The following IMMP2L variants were observed in gnomAD, a reference collection of about 807,000 sequenced individuals.
IMMP2L encodes the protein inner mitochondrial membrane peptidase subunit 2.
A neutral mutation model predicts 19.3 loss-of-function variants in IMMP2L; 18 were observed. The ratio of observed to expected loss-of-function variants is 0.93; its 90% CI spans 0.64 to 1.38. The LOEUF is 1.38. IMMP2L is among the 40% of genes most tolerant of loss of function. The pLI is 0.00. For synonymous variants in IMMP2L, 76 were observed against 73.0 expected (o/e 1.04, Z -0.21); for missense variants, 233 against 218.2 (o/e 1.07, Z -0.43).
At chr7:111,377,853 C>T (rs1404685045) in intron 3 of IMMP2L, among the ~76,000 whole-genome samples, 1 of 151,968 alleles carries the variant, frequency 6.6e-6, no homozygotes. Context: ...TATACAACTA[C>T]ACATCCACAT....
In IMMP2L at chr7:110,780,410, A is replaced by G. The variant is rs187822778; in HGVS notation, c.408+106183T>C. ...GGCAAGCATATTACTTGAAAATAAG[A>G]TTTTCTCAAAGTCTCTATATTTCTG... On this transcript the variant is annotated intron_variant, in intron 5 of 5. Transcript: ENST00000405709. Among the ~76,000 whole-genome samples the G allele has an allele frequency of 1.3e-4, 20 of 151,768 alleles. No homozygotes were observed. In the South Asian group the frequency reaches 1.5e-3, roughly 11 times the overall value.
At chr7:110,676,938 A>T (rs1792339975) in intron 5 of IMMP2L, among the ~76,000 whole-genome samples, 1 of 152,164 alleles carries the variant, frequency 6.6e-6, no homozygotes, top group Non-Finnish European at 1.5e-5. Flanking sequence ...CACTAACAAG[A>T]AGCACAGGAC....
intron 3 of IMMP2L, among the ~76,000 whole-genome samples, chr7:111,015,572 A>G (rs927079301): frequency 2.6e-5 from 4 of 152,150 alleles, no homozygotes; most frequent in Non-Finnish European, 4.4e-5. Flanking sequence ...ACCACAATAG[A>G]AAAAAGGGCC....
intron 3 of IMMP2L, among the ~76,000 whole-genome samples, chr7:111,471,031 T>C (rs1260520111): frequency 6.6e-6 from 1 of 152,074 alleles, no homozygotes. Context: ...TGTCCATTTC[T>C]GCTAAGAGAT....
chr7:110,993,305 A>G (rs1183612133), intron 3 of IMMP2L, among the ~76,000 whole-genome samples: 1 of 152,142 alleles, frequency 6.6e-6, no homozygotes, highest in Non-Finnish European at 1.5e-5. Flanking sequence ...AGTTAACTGT[A>G]CAATCATGGT....
At chr7:111,357,516 T>A (rs866346290) in intron 3 of IMMP2L, among the ~76,000 whole-genome samples, 1 of 152,138 alleles carries the variant, frequency 6.6e-6, no homozygotes, top group Admixed American at 6.6e-5. Flanking sequence ...CATGTTTAAT[T>A]GCCACATTAA....
At chr7:111,351,305 C>G (rs936428230) in intron 3 of IMMP2L, among the ~76,000 whole-genome samples, 18 of 152,180 alleles carry the variant, frequency 1.2e-4, no homozygotes, top group Non-Finnish European at 1.9e-4. Context: ...ATTCTCCTGC[C>G]TCAGCCTCTC....
At chr7:110,804,496 G>GGTTTC (rs1801484106) in intron 5 of IMMP2L, among the ~76,000 whole-genome samples, 1 of 151,892 alleles carries the variant, frequency 6.6e-6, no homozygotes, top group South Asian at 2.1e-4. Flanking sequence ...CTGGAACTCT[G>GGTTTC]GTTTCTAATG....
chr7:111,272,569 A>G (rs1393133018), intron 3 of IMMP2L, among the ~76,000 whole-genome samples: 5 of 152,200 alleles, frequency 3.3e-5, no homozygotes, highest in Non-Finnish European at 7.3e-5. Context: ...TGCTTCACAC[A>G]TAGTAAGTGT....
At chr7:110,931,934 T>C (rs1245539205) in intron 4 of IMMP2L, among the ~76,000 whole-genome samples, 2 of 152,114 alleles carry the variant, frequency 1.3e-5, no homozygotes, top group Admixed American at 1.3e-4. Flanking sequence ...ATACAGACCC[T>C]ATGTTCTCAC....
At chr7:111,446,611 A>G (rs533637793) in intron 3 of IMMP2L, among the ~76,000 whole-genome samples, 10 of 152,246 alleles carry the variant, frequency 6.6e-5, no homozygotes, top group African/African-American at 2.4e-4. Flanking sequence ...TGGAGAAAAA[A>G]CAGAACAGAA....
At chr7:111,444,983 T>A (rs1838165515) in intron 3 of IMMP2L, among the ~76,000 whole-genome samples, 1 of 152,160 alleles carries the variant, frequency 6.6e-6, no homozygotes, top group African/African-American at 2.4e-5. Context: ...AAGATGCAGG[T>A]TTATAGTCTA....
chr7:111,029,019 C>A (rs1827140770), intron 3 of IMMP2L, among the ~76,000 whole-genome samples: 1 of 152,108 alleles, frequency 6.6e-6, no homozygotes, highest in Non-Finnish European at 1.5e-5. Flanking sequence ...TATTAGCCTT[C>A]TAAAAGAATA....
At chr7:110,714,178 A>C (rs1226335031) in intron 5 of IMMP2L, among the ~76,000 whole-genome samples, 1 of 152,196 alleles carries the variant, frequency 6.6e-6, no homozygotes, top group Non-Finnish European at 1.5e-5. Flanking sequence ...AAATCTATTG[A>C]GATGATCACA....
At chr7:110,734,354 G>C (rs955233501) in intron 5 of IMMP2L, among the ~76,000 whole-genome samples, 1 of 152,184 alleles carries the variant, frequency 6.6e-6, no homozygotes, top group African/African-American at 2.4e-5. Context: ...AGCATGCAAA[G>C]ACCTTGGCTG....
At chr7:110,736,869 T>C (rs1796667277) in intron 5 of IMMP2L, among the ~76,000 whole-genome samples, 1 of 152,202 alleles carries the variant, frequency 6.6e-6, no homozygotes, top group South Asian at 2.1e-4. Flanking sequence ...GATGAGACTC[T>C]GGACTTCAAA....
At chr7:110,775,190 TTTTC>T (rs1001419848) in intron 5 of IMMP2L, among the ~76,000 whole-genome samples, 1 of 151,906 alleles carries the variant, frequency 6.6e-6, no homozygotes, top group African/African-American at 2.4e-5. Flanking sequence ...ATCATGCCTG[TTTTC>T]TTTTACTTTT....
chr7:111,357,200 G>T (rs896344938), intron 3 of IMMP2L, among the ~76,000 whole-genome samples: 1 of 152,098 alleles, frequency 6.6e-6, no homozygotes, highest in African/African-American at 2.4e-5. Flanking sequence ...CATCTGTGTT[G>T]TTCTTTTCAA....
At chr7:111,386,543 G>A (rs1193615960) in intron 3 of IMMP2L, among the ~76,000 whole-genome samples, 1 of 152,150 alleles carries the variant, frequency 6.6e-6, no homozygotes, top group Non-Finnish European at 1.5e-5. Context: ...TTGGGTGTGT[G>A]TGAATGAATG....
Sources: gnomAD v4.1 joint callset for allele counts (sites outside exome capture counted in the v4.1 genomes callset) on GRCh38, gnomAD v4.1.1 for gene constraint, MANE v1.5 for transcripts, NCBI Gene and HGNC (gene_info 2026-07-23, HGNC 2026-07-21) for gene names.